The following LIN54 variants were observed in gnomAD, a reference collection of about 807,000 sequenced individuals.
LIN54 encodes the protein protein lin-54 homolog.
LIN54 carries 9 observed loss-of-function variants against 78.7 expected under a neutral mutation model. That is an observed-to-expected ratio of 0.11 (90% confidence interval 0.07 to 0.20). The LOEUF is 0.20. Ranked by LOEUF, LIN54 falls within the 10% of genes least tolerant of loss-of-function variation. LIN54 has a pLI of 1.00. For missense variants in LIN54, 573 were observed against 889.9 expected (o/e 0.64, Z 4.53); for synonymous variants, 269 against 318.4 (o/e 0.84, Z 1.65).
upstream of LIN54, among the ~76,000 whole-genome samples, chr4:83,011,590 A>G (rs1227251536): frequency 7.3e-6 from 1 of 136,136 alleles, no homozygotes; most frequent in African/African-American, 3.0e-5. Flanking sequence ...TAAGTCATCA[A>G]ATTAAAAAAA....
In LIN54 at chr4:82,949,807, C is replaced by T. The variant is rs866277687; in HGVS notation, c.952-3333G>A. Among the ~76,000 whole-genome samples the T allele has an allele frequency of 1.5e-4, 22 of 149,942 alleles. No homozygotes were observed. In the Middle Eastern group the frequency reaches 0.011, roughly 72 times the overall value. On this transcript the variant is annotated intron_variant, in intron 4 of 12. Coordinates refer to ENST00000340417, the MANE Select transcript of LIN54 (RefSeq NM_194282.4). ...TCATTTTATCATTTCCTTTGCTGTG[C>T]AGGATATTTTTTGTTTAATGCAGTC... is the stretch of plus-strand genomic sequence containing the variant.
intron 1 of LIN54, 27 bp from the exon 2 acceptor site, chr4:82,984,903 A>G (rs957407589): frequency 1.4e-6 from 2 of 1,456,950 alleles, no homozygotes; most frequent in Admixed American, 2.3e-5. Flanking sequence ...AAAATGAACA[A>G]GTTACTAGGT....
chr4:82,975,132 T>C (rs1578586399), intron 3 of LIN54, among the ~76,000 whole-genome samples: 1 of 151,718 alleles, frequency 6.6e-6, no homozygotes, highest in Non-Finnish European at 1.5e-5. Flanking sequence ...CTGAGGCAGG[T>C]GGATCACTTG....
At chr4:82,944,025 C>A (rs1017049438) in intron 5 of LIN54, among the ~76,000 whole-genome samples, 23 of 151,622 alleles carry the variant, frequency 1.5e-4, no homozygotes, top group African/African-American at 5.6e-4. Context: ...TGCACCACCA[C>A]GCCCAACTAA....
chr4:82,933,467 A>G (rs1043630598), intron 11 of LIN54, among the ~76,000 whole-genome samples: 1 of 152,090 alleles, frequency 6.6e-6, no homozygotes, highest in South Asian at 2.1e-4. Context: ...CATCCAATCA[A>G]CAAGCCTATA....
intron 1 of LIN54, among the ~76,000 whole-genome samples, chr4:82,992,795 A>G (rs932091579): frequency 1.6e-4 from 25 of 151,994 alleles, no homozygotes; most frequent in African/African-American, 5.8e-4. Flanking sequence ...TTGGGAGGCC[A>G]AGGTGGGTGG....
chr4:82,936,372 A>G lies in LIN54; in HGVS notation c.1614T>C (p.Asp538=), dbSNP rs757557973. ...TGCAAAATTCACCATTTGCAAAGCA[A>G]TCACAATACCTGAAAGGTAAAAGTC... is the stretch of plus-strand genomic sequence containing the variant. ...TKSLCLKLYC[D]CFANGEFCNN... is the part of the protein sequence containing the mutation. The change falls in exon 10 of 13, where the codon GAT becomes GAC. Residue 538 remains aspartate (D), a synonymous_variant. Coordinates refer to ENST00000340417, the MANE Select transcript of LIN54 (RefSeq NM_194282.4). 8.4e-6 allele frequency: 13 copies of G among 1,553,786 alleles called. No homozygotes were observed. Among genetic ancestry groups the G allele is most frequent in the Admixed American group, 7.5e-5 (4 of 53,154 alleles).
chr4:82,993,218 C>CAT (rs1727892963), intron 1 of LIN54, among the ~76,000 whole-genome samples: 2 of 128,286 alleles, frequency 1.6e-5, no homozygotes. Context: ...TTTCTAGAAT[C>CAT]TTTTTTTTTT....
intron 1 of LIN54, among the ~76,000 whole-genome samples, chr4:82,986,676 C>T (rs1358938050): frequency 7.3e-6 from 1 of 137,792 alleles, no homozygotes. Flanking sequence ...TGCACTTGAG[C>T]CGGGCGACAG....
At chr4:82,952,898 G>A (rs79056127) in intron 4 of LIN54, among the ~76,000 whole-genome samples, 1,863 of 152,290 alleles carry the variant, frequency 0.012, 34 homozygotes, top group African/African-American at 0.043. Context: ...ACACTTATAT[G>A]AAGTATTATA....
chr4:82,962,909 G>A (rs1202898847), intron 4 of LIN54, among the ~76,000 whole-genome samples: 1 of 151,870 alleles, frequency 6.6e-6, no homozygotes, highest in African/African-American at 2.4e-5. Flanking sequence ...TCAAAGTTAA[G>A]TTTAAGAACT....
At chr4:82,947,225 A>ATT (rs1304000304) in intron 4 of LIN54, among the ~76,000 whole-genome samples, 5 of 21,618 alleles carry the variant, frequency 2.3e-4, no homozygotes, top group African/African-American at 7.5e-4. Context: ...ATATATATAT[A>ATT]TATATATATA....
At chr4:82,988,615 A>T (rs1727378691) in intron 1 of LIN54, among the ~76,000 whole-genome samples, 1 of 152,320 alleles carries the variant, frequency 6.6e-6, no homozygotes, top group East Asian at 1.9e-4. Context: ...TTTGCATGAA[A>T]CTGCTAAACT....
At chr4:82,956,666 CA>C (rs1724361070) in intron 4 of LIN54, among the ~76,000 whole-genome samples, 1 of 152,044 alleles carries the variant, frequency 6.6e-6, no homozygotes, top group South Asian at 2.1e-4. Flanking sequence ...ATTCAATCAA[CA>C]TAATATATAA....
At chr4:82,965,065 GTA>G (rs1411207346) in intron 4 of LIN54, among the ~76,000 whole-genome samples, 1 of 151,992 alleles carries the variant, frequency 6.6e-6, no homozygotes, top group Non-Finnish European at 1.5e-5. Context: ...GAAGAAAGCT[GTA>G]TTTCTTGTAT....
At chr4:82,970,261 T>A in intron 4 of LIN54, 66 bp downstream of exon 4, 1 of 1,438,360 alleles carries the variant, frequency 7.0e-7, no homozygotes. Flanking sequence ...GTATCTGAAG[T>A]GACTAGTAAG....
chr4:82,938,547 T>C (rs1428623205), intron 7 of LIN54, 43 bp from the exon 8 acceptor site: 1 of 1,047,906 alleles, frequency 9.5e-7, no homozygotes, highest in Non-Finnish European at 1.5e-6. Flanking sequence ...TTTCCAAAAA[T>C]GGACAATACT....
At chr4:82,954,481 G>C (rs1252087068) in intron 4 of LIN54, among the ~76,000 whole-genome samples, 1 of 151,762 alleles carries the variant, frequency 6.6e-6, no homozygotes, top group Non-Finnish European at 1.5e-5. Context: ...TCAGTGGTGT[G>C]ATCTTGGCTC....
At chr4:82,995,555 G>A (rs1008092909) in intron 1 of LIN54, among the ~76,000 whole-genome samples, 1 of 138,454 alleles carries the variant, frequency 7.2e-6, no homozygotes, top group Non-Finnish European at 1.5e-5. Flanking sequence ...GAGTGTAGTG[G>A]CACAATCTCA....
Sources: gnomAD v4.1 joint callset for allele counts (sites outside exome capture counted in the v4.1 genomes callset) on GRCh38, gnomAD v4.1.1 for gene constraint, MANE v1.5 for transcripts, NCBI Gene and HGNC (gene_info 2026-07-23, HGNC 2026-07-21) for gene names.